NR6A1: variants seen among roughly 807,000 people sequenced by gnomAD.
The protein encoded by NR6A1 is retinoic acid receptor-related testis-associated receptor.
Under a neutral mutation model 59.1 loss-of-function variants are expected in NR6A1, and 7 were observed. The observed-to-expected ratio is 0.12, with a 90% confidence interval of 0.07 to 0.22. NR6A1 has a LOEUF of 0.22. NR6A1 is among the 10% of genes least tolerant of loss of function. The probability of loss-of-function intolerance (pLI) is 1.00; values close to 1 mark genes in which losing one functional copy is unlikely to be tolerated. For missense variants in NR6A1, 468 were observed against 611.6 expected (o/e 0.77, Z 2.48); for synonymous variants, 243 against 236.1 (o/e 1.03, Z -0.27).
intron 2 of NR6A1, among the ~76,000 whole-genome samples, chr9:124,600,735 A>G (rs1461782218): frequency 6.6e-6 from 1 of 152,208 alleles, no homozygotes; most frequent in Non-Finnish European, 1.5e-5. Flanking sequence ...TGGGTAAGAA[A>G]AGTGTTGGAG....
At chr9:124,666,333 T>C (rs956478874) in intron 2 of NR6A1, among the ~76,000 whole-genome samples, 1 of 146,506 alleles carries the variant, frequency 6.8e-6, no homozygotes, top group Non-Finnish European at 1.5e-5. Context: ...GGCTGGAGTG[T>C]AGTAGTGCAA....
At chr9:124,558,467 A>C (rs901539003) in intron 2 of NR6A1, among the ~76,000 whole-genome samples, 4 of 152,072 alleles carry the variant, frequency 2.6e-5, no homozygotes, top group African/African-American at 9.7e-5. Flanking sequence ...CTCTCTCCAG[A>C]TCAATCTAGT....
At chr9:124,729,139 G>A (rs1206046989) in intron 2 of NR6A1, among the ~76,000 whole-genome samples, 4 of 152,048 alleles carry the variant, frequency 2.6e-5, no homozygotes, top group East Asian at 1.9e-4. Flanking sequence ...GTGATGGATC[G>A]TATCATAAAA....
chr9:124,532,827 A>G (rs1270087535), intron 7 of NR6A1, among the ~76,000 whole-genome samples: 1 of 152,266 alleles, frequency 6.6e-6, no homozygotes, highest in African/African-American at 2.4e-5. Flanking sequence ...GCTGGTGCAA[A>G]TGAGAACTAA....
At chr9:124,749,701 T>C (rs905845530) in intron 1 of NR6A1, among the ~76,000 whole-genome samples, 2 of 152,176 alleles carry the variant, frequency 1.3e-5, no homozygotes, top group African/African-American at 4.8e-5. Flanking sequence ...GCTGGAACTA[T>C]AGATGCACAC....
At chr9:124,541,200 G>T (rs762865338) in intron 4 of NR6A1, among the ~76,000 whole-genome samples, 1 of 151,982 alleles carries the variant, frequency 6.6e-6, no homozygotes, top group Non-Finnish European at 1.5e-5. Context: ...GATAACCTAT[G>T]AAATGGGAGA....
intron 2 of NR6A1, among the ~76,000 whole-genome samples, chr9:124,650,051 T>C (rs1373606081): frequency 1.3e-5 from 2 of 152,092 alleles, no homozygotes; most frequent in East Asian, 3.9e-4. Context: ...TAACTAAAAA[T>C]AGAACTACCA....
At position 124,533,859 on chromosome 9, in the gene NR6A1, C is replaced by T. The variant is rs148527238; in HGVS notation, c.1079+2019G>A. 5.5e-3 allele frequency among the ~76,000 whole-genome samples: 839 copies of T among 151,876 alleles called. 6 individuals are homozygous for T. Among genetic ancestry groups the T allele is most frequent in the African/African-American group, 0.019 (797 of 41,398 alleles). On this transcript the variant is annotated intron_variant, in intron 7 of 9. Coordinates refer to ENST00000487099, the MANE Select transcript of NR6A1 (RefSeq NM_033334.4). ...AGAGACGGGGTTTCACCATGTTAGC[C>T]AGGATGGTCTCAATCTCCTGACCTC...
intron 2 of NR6A1, among the ~76,000 whole-genome samples, chr9:124,580,238 GAAT>G (rs2131456192): frequency 6.6e-6 from 1 of 152,178 alleles, no homozygotes; most frequent in African/African-American, 2.4e-5. Flanking sequence ...GCAATTAAAA[GAAT>G]AATAAACTAT....
In NR6A1 at chr9:124,595,920, T is replaced by C. The variant is rs895906473; in HGVS notation, c.143-41350A>G. The stretch of plus-strand genomic sequence containing the variant: ...CATCCTCACAGGTCAGTTTACAAGC[T>C]GGTCATGTGATTGCAAAGTTCAGGC... On this transcript the variant is annotated intron_variant, in intron 2 of 9. Transcript: ENST00000487099. The C allele has an allele frequency of 5.0e-6, 4 of 798,264 alleles. No homozygotes were observed. In the African/African-American group the frequency reaches 7.2e-5, roughly 14 times the overall value. The allele number at this position is 798,264 out of a possible 1,614,324, so 49.4% of individuals were successfully genotyped here.
intron 2 of NR6A1, among the ~76,000 whole-genome samples, chr9:124,663,950 A>G (rs926232854): frequency 6.6e-6 from 1 of 152,222 alleles, no homozygotes; most frequent in Non-Finnish European, 1.5e-5. Flanking sequence ...ATAAGAATTA[A>G]TATTTCCTAG....
At chr9:124,728,363 C>T (rs1839786190) in intron 2 of NR6A1, among the ~76,000 whole-genome samples, 2 of 151,708 alleles carry the variant, frequency 1.3e-5, no homozygotes, top group Non-Finnish European at 1.5e-5. Flanking sequence ...CGGCCAGGCA[C>T]GGTGGCTCAC....
At chr9:124,541,642 A>G (rs1034950064) in intron 4 of NR6A1, among the ~76,000 whole-genome samples, 4 of 152,222 alleles carry the variant, frequency 2.6e-5, no homozygotes, top group African/African-American at 9.6e-5. Context: ...AAAAGTTAAA[A>G]ATAGAAACAC....
chr9:124,619,139 A>T (rs1404550046), intron 2 of NR6A1, among the ~76,000 whole-genome samples: 1 of 152,250 alleles, frequency 6.6e-6, no homozygotes, highest in Non-Finnish European at 1.5e-5. Flanking sequence ...AAATCCTGGC[A>T]TATCTATTAA....
chr9:124,558,367 C>T (rs1447050217), intron 2 of NR6A1, among the ~76,000 whole-genome samples: 1 of 152,042 alleles, frequency 6.6e-6, no homozygotes, highest in African/African-American at 2.4e-5. Context: ...ATTCTTACTG[C>T]CTGCCATGTT....
intron 7 of NR6A1, among the ~76,000 whole-genome samples, chr9:124,530,115 A>C (rs2131330386): frequency 6.6e-6 from 1 of 152,148 alleles, no homozygotes; most frequent in East Asian, 1.9e-4. Context: ...AGGAGTGCCA[A>C]ACCTGTTCCT....
chr9:124,647,689 T>C (rs1588740782), intron 2 of NR6A1, among the ~76,000 whole-genome samples: 1 of 125,894 alleles, frequency 7.9e-6, no homozygotes, highest in Non-Finnish European at 1.6e-5. Context: ...ATCATGCCAC[T>C]ACACTCCAGC....
chr9:124,728,691 G>T (rs184610170), intron 2 of NR6A1, among the ~76,000 whole-genome samples: 2 of 150,518 alleles, frequency 1.3e-5, no homozygotes, highest in African/African-American at 5.0e-5. Context: ...TCAGTCACTT[G>T]AGAGAAAATG....
At chr9:124,752,272 C>T (rs1840523786) in intron 1 of NR6A1, among the ~76,000 whole-genome samples, 1 of 151,730 alleles carries the variant, frequency 6.6e-6, no homozygotes, top group South Asian at 2.1e-4. Flanking sequence ...CTGTCTCAAA[C>T]AAACAAAAAA....
Sources: gnomAD v4.1 joint callset for allele counts (sites outside exome capture counted in the v4.1 genomes callset) on GRCh38, gnomAD v4.1.1 for gene constraint, MANE v1.5 for transcripts, NCBI Gene and HGNC (gene_info 2026-07-23, HGNC 2026-07-21) for gene names.